The following HOOK3 variants were observed in gnomAD, a reference collection of about 807,000 sequenced individuals.
HOOK3 encodes protein Hook homolog 3.
HOOK3 carries 24 observed loss-of-function variants against 116.3 expected under a neutral mutation model. That is an observed-to-expected ratio of 0.21 (90% CI 0.15 to 0.29). The LOEUF (loss-of-function observed/expected upper bound fraction) is 0.29, where lower values mean the gene tolerates loss of function less well. Among genes scored for constraint, HOOK3 ranks in the 10% least tolerant of loss-of-function variants. The pLI is 1.00. For missense variants in HOOK3, 632 were observed against 830.2 expected (o/e 0.76, Z 2.93); for synonymous variants, 275 against 283.0 (o/e 0.97, Z 0.28).
chr8:42,934,049 ATTTAT>A (rs1807919643), intron 4 of HOOK3, among the ~76,000 whole-genome samples: 1 of 151,602 alleles, frequency 6.6e-6, no homozygotes, highest in Non-Finnish European at 1.5e-5. Flanking sequence ...TCTTATTATT[ATTTAT>A]TTTATCTCAT....
intron 2 of HOOK3, among the ~76,000 whole-genome samples, chr8:42,924,162 T>A (rs576768478): frequency 1.1e-4 from 16 of 152,138 alleles, no homozygotes; most frequent in Non-Finnish European, 2.2e-4. Flanking sequence ...GTTGTGGTGT[T>A]ATGGAAAGAT....
chr8:43,025,954 A>T lies in HOOK3; in HGVS notation c.*7456A>T. The T allele has an allele frequency of 9.6e-6, 2 of 208,530 alleles. No individual in the cohort carries two copies. The highest frequency in any genetic ancestry group is 1.5e-4 in the East Asian group (2 of 13,746). 12.9% of individuals were successfully genotyped at this position (208,530 alleles called of 1,614,324 possible). On this transcript the variant is annotated 3_prime_UTR_variant, in exon 22 of 22. Transcript: ENST00000307602. Reference sequence around the variant, plus strand: ...GTCCACGGCCTCAAAGTTTGGGCCCATGGGACTATCAAATCCGAATTATAT... The same window carrying T: ...GTCCACGGCCTCAAAGTTTGGGCCCTTGGGACTATCAAATCCGAATTATAT...
intron 4 of HOOK3, among the ~76,000 whole-genome samples, chr8:42,941,562 G>A (rs1808127560): frequency 6.7e-6 from 1 of 150,062 alleles, no homozygotes; most frequent in African/African-American, 2.4e-5. Flanking sequence ...CACTGTGTCT[G>A]GCCAGTATTT....
intron 4 of HOOK3, among the ~76,000 whole-genome samples, chr8:42,930,880 G>A (rs1807860103): frequency 6.6e-6 from 1 of 152,054 alleles, no homozygotes; most frequent in Non-Finnish European, 1.5e-5. Context: ...CCATCTGTGC[G>A]GCCACCAACT....
chr8:42,919,774 C>G (rs1485030114), intron 2 of HOOK3, among the ~76,000 whole-genome samples: 1 of 152,184 alleles, frequency 6.6e-6, no homozygotes. Flanking sequence ...AACCCTGTCT[C>G]CACCAAAAAA....
Position 42,930,122 on chromosome 8 carries a change from A to C in HOOK3, c.217A>C (p.Ile73Leu). ...TEVGDNWRLK[I>L]SNLKKILKGI... ...AGTTGTTTTCTCTCTCTTTAAACAGATAAGCAATTTAAAGAAAATTTTAAA... is the reference window on the plus strand; with the variant it reads ...AGTTGTTTTCTCTCTCTTTAAACAGCTAAGCAATTTAAAGAAAATTTTAAA... The change falls in exon 4 of 22, where the codon ATA (isoleucine) becomes CTA (leucine). Residue 73 changes from isoleucine (I) to leucine (L), a missense_variant and splice_region_variant. Ile to Leu is a conservative substitution (Grantham distance 5). Transcript: ENST00000307602. The C allele has an allele frequency of 6.4e-7, 1 of 1,552,130 alleles. No homozygotes were observed. Among genetic ancestry groups the C allele is most frequent in the Non-Finnish European group, 8.7e-7 (1 of 1,149,634 alleles).
At chr8:42,984,160 G>A (rs554337743) in intron 14 of HOOK3, among the ~76,000 whole-genome samples, 100 of 152,202 alleles carry the variant, frequency 6.6e-4, no homozygotes, top group African/African-American at 2.3e-3. Context: ...CTGAGGTCAG[G>A]AGTTCAAGAC....
chr8:42,904,491 A>G (rs971117452), intron 1 of HOOK3, among the ~76,000 whole-genome samples: 2 of 151,786 alleles, frequency 1.3e-5, no homozygotes, highest in African/African-American at 4.8e-5. Flanking sequence ...TTGTATTTTT[A>G]GTGAAGAGAC....
intron 21 of HOOK3, among the ~76,000 whole-genome samples, chr8:43,015,110 C>T (rs1477408987): frequency 6.6e-6 from 1 of 151,934 alleles, no homozygotes; most frequent in Non-Finnish European, 1.5e-5. Context: ...TTACTCCAGC[C>T]TGGGTGACAG....
chr8:42,998,724 T>G (rs1347148515), intron 16 of HOOK3, among the ~76,000 whole-genome samples: 1 of 152,206 alleles, frequency 6.6e-6, no homozygotes, highest in Non-Finnish European at 1.5e-5. Flanking sequence ...AGCTCATCCC[T>G]TAATCAATGT....
At chr8:42,987,250 A>G (rs1340828514) in intron 15 of HOOK3, among the ~76,000 whole-genome samples, 2 of 152,232 alleles carry the variant, frequency 1.3e-5, no homozygotes, top group African/African-American at 2.4e-5. Context: ...TCCCTTTTAG[A>G]GAACTTGAAT....
chr8:42,973,242 T>G (rs764799858), intron 11 of HOOK3, 47 bp from the exon 12 acceptor site: 1 of 1,552,832 alleles, frequency 6.4e-7, no homozygotes, highest in Non-Finnish European at 8.7e-7. Context: ...AAGGATAATT[T>G]CTAATGTCTC....
intron 21 of HOOK3, among the ~76,000 whole-genome samples, chr8:43,016,600 T>A (rs1809722719): frequency 6.6e-6 from 1 of 152,252 alleles, no homozygotes; most frequent in South Asian, 2.1e-4. Context: ...GCTCAGAGAA[T>A]GCCCTTGCAA....
chr8:42,940,756 T>C (rs1216457876), intron 4 of HOOK3, among the ~76,000 whole-genome samples: 1 of 152,176 alleles, frequency 6.6e-6, no homozygotes, highest in East Asian at 1.9e-4. Context: ...GGAATATCTT[T>C]GTGGTGTTTT....
chr8:42,900,538 T>C (rs1807165053), intron 1 of HOOK3, among the ~76,000 whole-genome samples: 1 of 152,186 alleles, frequency 6.6e-6, no homozygotes, highest in Non-Finnish European at 1.5e-5. Flanking sequence ...GGGGGTGGTA[T>C]AATTATTATG....
chr8:42,905,471 A>C (rs943706802), intron 1 of HOOK3, among the ~76,000 whole-genome samples: 1 of 151,962 alleles, frequency 6.6e-6, no homozygotes. Flanking sequence ...ACTTAAATCA[A>C]CAGGAGATTG....
intron 4 of HOOK3, among the ~76,000 whole-genome samples, chr8:42,941,059 C>T (rs1003299813): frequency 6.6e-6 from 1 of 151,908 alleles, no homozygotes. Flanking sequence ...TAATTCTCCT[C>T]TCTTGGCCTC....
At chr8:42,962,565 C>G (rs1808553418) in intron 8 of HOOK3, among the ~76,000 whole-genome samples, 1 of 151,632 alleles carries the variant, frequency 6.6e-6, no homozygotes, top group Non-Finnish European at 1.5e-5. Context: ...CACCACCACA[C>G]CCAGCTAATT....
rs1322306945 is a variant in HOOK3, at chr8:42,975,161, G to T, written c.1321+967G>T. Among the ~76,000 whole-genome samples the T allele has an allele frequency of 2.0e-5, 3 of 152,162 alleles. 1 individual carries two copies. The highest frequency in any genetic ancestry group is 4.1e-4 in the South Asian group (2 of 4,830). On this transcript the variant is annotated intron_variant, in intron 13 of 21. Transcript: ENST00000307602. Reference sequence around the variant, plus strand: ...AGGGGTTGCGGGGAGGAGAGAGCCCGCCTGTTTCCTAACAATGAAAACACC... The same window carrying T: ...AGGGGTTGCGGGGAGGAGAGAGCCCTCCTGTTTCCTAACAATGAAAACACC...
Sources: gnomAD v4.1 joint callset for allele counts (sites outside exome capture counted in the v4.1 genomes callset) on GRCh38, gnomAD v4.1.1 for gene constraint, MANE v1.5 for transcripts, NCBI Gene and HGNC (gene_info 2026-07-23, HGNC 2026-07-21) for gene names.